Variants in ZFAND3 observed in about 807,000 individuals in gnomAD.
The protein encoded by ZFAND3 is AN1-type zinc finger protein 3.
In ZFAND3, 10 loss-of-function variants were observed where a neutral mutation model predicts 29.6. That is an observed-to-expected ratio of 0.34 (90% CI 0.21 to 0.57). The LOEUF is 0.57. Ranked by LOEUF, ZFAND3 falls within the 20% of genes least tolerant of loss-of-function variation. The pLI, the probability that ZFAND3 is intolerant of heterozygous loss-of-function variation, is 0.86. For synonymous variants in ZFAND3, 128 were observed against 112.6 expected (o/e 1.14, Z -0.87); for missense variants, 230 against 304.5 (o/e 0.76, Z 1.82).
At chr6:37,926,604 G>T (rs1761488997) in intron 1 of ZFAND3, among the ~76,000 whole-genome samples, 1 of 152,116 alleles carries the variant, frequency 6.6e-6, no homozygotes, top group African/African-American at 2.4e-5. Flanking sequence ...ATTTGGAAAG[G>T]ACCCTCCACC....
chr6:37,912,269 C>T (rs767222621), intron 1 of ZFAND3, among the ~76,000 whole-genome samples: 1 of 152,104 alleles, frequency 6.6e-6, no homozygotes, highest in Non-Finnish European at 1.5e-5. Context: ...TTAATACTTC[C>T]GCCAGAGTCT....
chr6:38,124,862 C>T (rs1765605754), intron 5 of ZFAND3, among the ~76,000 whole-genome samples: 3 of 152,184 alleles, frequency 2.0e-5, no homozygotes. Flanking sequence ...GCGAGGGCTG[C>T]CAGCACGCTG....
In ZFAND3 at chr6:38,063,363, A is replaced by T. The variant is rs1425258406; in HGVS notation, c.295+1588A>T. Reference sequence around the variant, plus strand: ...AACCAAGAGTGATCTCCCACCCCACAGCCCCAGAACATTTGATAATGTCTG... The same window carrying T: ...AACCAAGAGTGATCTCCCACCCCACTGCCCCAGAACATTTGATAATGTCTG... On this transcript the variant is annotated intron_variant, in intron 3 of 5. Coordinates refer to ENST00000287218, the MANE Select transcript of ZFAND3 (RefSeq NM_021943.3). Among the ~76,000 whole-genome samples, 6 of 152,202 alleles carry T rather than the reference A, an allele frequency of 3.9e-5. No individual in the cohort carries two copies. The South Asian group carries it at 1.2e-3, about 31-fold the overall frequency.
chr6:37,994,615 C>T (rs1762817847), intron 2 of ZFAND3, among the ~76,000 whole-genome samples: 1 of 152,150 alleles, frequency 6.6e-6, no homozygotes, highest in Non-Finnish European at 1.5e-5. Context: ...TTATCAAATA[C>T]AGTGTAGATG....
chr6:38,057,278 A>G (rs944482415), intron 2 of ZFAND3, among the ~76,000 whole-genome samples: 3 of 152,144 alleles, frequency 2.0e-5, no homozygotes, highest in African/African-American at 7.2e-5. Context: ...TACATGTAAT[A>G]TAAATCTGTT....
chr6:37,858,378 C>G (rs1021291947), intron 1 of ZFAND3, among the ~76,000 whole-genome samples: 3 of 152,130 alleles, frequency 2.0e-5, no homozygotes, highest in Non-Finnish European at 4.4e-5. Flanking sequence ...ACCAGAATGC[C>G]AACATGTGGT....
chr6:37,885,326 A>G (rs1168505461), intron 1 of ZFAND3, among the ~76,000 whole-genome samples: 3 of 152,304 alleles, frequency 2.0e-5, no homozygotes, highest in Admixed American at 2.0e-4. Flanking sequence ...CCTCATCCCT[A>G]GGAATACATT....
chr6:37,932,270 A>T (rs112418975), intron 2 of ZFAND3, among the ~76,000 whole-genome samples: 14,506 of 151,974 alleles, frequency 0.095, 1,321 homozygotes, highest in African/African-American at 0.24. Flanking sequence ...CAAAAAAAAA[A>T]AAATAAATAA....
intron 4 of ZFAND3, among the ~76,000 whole-genome samples, chr6:38,110,229 G>A (rs1220645481): frequency 1.3e-5 from 2 of 151,980 alleles, no homozygotes; most frequent in African/African-American, 2.4e-5. Context: ...CAACAGATGT[G>A]TTACTCCAAA....
At chr6:38,051,173 T>C (rs897526137) in intron 2 of ZFAND3, among the ~76,000 whole-genome samples, 1 of 152,000 alleles carries the variant, frequency 6.6e-6, no homozygotes, top group Non-Finnish European at 1.5e-5. Flanking sequence ...CACCTAGGCT[T>C]TTCCCAGTCC....
intron 2 of ZFAND3, among the ~76,000 whole-genome samples, chr6:37,980,864 G>GA (rs942696809): frequency 4.9e-4 from 75 of 152,134 alleles, no homozygotes; most frequent in African/African-American, 1.7e-3. Flanking sequence ...AAACATAAAG[G>GA]AAAAAAGCCT....
chr6:38,053,757 G>A (rs1043267137), intron 2 of ZFAND3, among the ~76,000 whole-genome samples: 1 of 152,104 alleles, frequency 6.6e-6, no homozygotes, highest in Non-Finnish European at 1.5e-5. Flanking sequence ...AGACTACAGT[G>A]GTAATGGAGA....
At chr6:38,057,953 G>A (rs186329085) in intron 2 of ZFAND3, among the ~76,000 whole-genome samples, 1 of 152,308 alleles carries the variant, frequency 6.6e-6, no homozygotes, top group Admixed American at 6.5e-5. Flanking sequence ...ATCACCCTGT[G>A]CAGGTGTAGA....
chr6:37,913,985 G>A (rs1180504504), intron 1 of ZFAND3, among the ~76,000 whole-genome samples: 2 of 151,790 alleles, frequency 1.3e-5, no homozygotes, highest in Admixed American at 6.6e-5. Context: ...TCAGCCTCCC[G>A]AAGTGCTGGG....
At chr6:38,148,926 C>T (rs1178172638) in intron 5 of ZFAND3, among the ~76,000 whole-genome samples, 1 of 152,188 alleles carries the variant, frequency 6.6e-6, no homozygotes, top group African/African-American at 2.4e-5. Context: ...AACCTCAGTG[C>T]AGCTACTTGG....
chr6:38,035,416 A>G lies in ZFAND3; in HGVS notation c.113-26177A>G, dbSNP rs548050656. Among the ~76,000 whole-genome samples the G allele has an allele frequency of 8.5e-5, 13 of 152,312 alleles. No individual in the cohort carries two copies. The East Asian group carries it at 2.5e-3, about 29-fold the overall frequency. On this transcript the variant is annotated intron_variant, in intron 2 of 5. Transcript: ENST00000287218. The stretch of plus-strand genomic sequence containing the variant: ...GTGTCTCACGGTTTCTAAGCAACCA[A>G]GATAATACATATATAATAATTGTGT...
chr6:37,991,478 G>A (rs1247129809), intron 2 of ZFAND3, among the ~76,000 whole-genome samples: 3 of 151,762 alleles, frequency 2.0e-5, no homozygotes, highest in African/African-American at 7.3e-5. Flanking sequence ...TCATCCTCCC[G>A]AGTAGCTGGG....
chr6:37,878,660 G>A (rs1488553556), intron 1 of ZFAND3, among the ~76,000 whole-genome samples: 1 of 152,200 alleles, frequency 6.6e-6, no homozygotes, highest in African/African-American at 2.4e-5. Context: ...TGCTGGTTGT[G>A]TAGTTTCTTG....
At chr6:38,144,189 A>ATAT (rs1766029602) in intron 5 of ZFAND3, among the ~76,000 whole-genome samples, 9 of 41,750 alleles carry the variant, frequency 2.2e-4, no homozygotes, top group African/African-American at 1.1e-3. Context: ...TATATAATAT[A>ATAT]TATATATATA....
Sources: gnomAD v4.1 joint callset for allele counts (sites outside exome capture counted in the v4.1 genomes callset) on GRCh38, gnomAD v4.1.1 for gene constraint, MANE v1.5 for transcripts, NCBI Gene and HGNC (gene_info 2026-07-23, HGNC 2026-07-21) for gene names.